SORCS1: variants seen among roughly 807,000 people sequenced by gnomAD.
SORCS1 encodes sortilin related VPS10 domain containing receptor 1, also known as VPS10 domain-containing receptor SorCS1.
In SORCS1, 60 loss-of-function variants were observed where a neutral mutation model predicts 146.1. The observed-to-expected ratio is 0.41, with a 90% CI of 0.33 to 0.51. The LOEUF is 0.51. Among genes scored for constraint, SORCS1 ranks in the 20% least tolerant of loss-of-function variants. SORCS1 has a pLI of 0.21. For synonymous variants in SORCS1, 637 were observed against 584.0 expected (o/e 1.09, Z -1.31); for missense variants, 1,352 against 1,487.6 (o/e 0.91, Z 1.50).
intron 21 of SORCS1, among the ~76,000 whole-genome samples, chr10:106,613,499 C>T (rs540300342): frequency 9.8e-5 from 15 of 152,292 alleles, no homozygotes; most frequent in African/African-American, 3.1e-4. Context: ...CTGCTATACT[C>T]TGTCATTGGC....
At chr10:106,962,335 T>G (rs12762271) in intron 1 of SORCS1, among the ~76,000 whole-genome samples, 1 of 134,294 alleles carries the variant, frequency 7.4e-6, no homozygotes, top group African/African-American at 2.8e-5. Context: ...GTAGAGGTTG[T>G]GGTGAGCCAA....
intron 1 of SORCS1, among the ~76,000 whole-genome samples, chr10:107,033,787 C>T (rs1958773335): frequency 6.6e-6 from 1 of 152,198 alleles, no homozygotes; most frequent in Non-Finnish European, 1.5e-5. Flanking sequence ...TTTCTTAAAT[C>T]CTCACCCCCA....
intron 21 of SORCS1, among the ~76,000 whole-genome samples, chr10:106,614,812 T>C (rs1170309217): frequency 6.6e-6 from 1 of 152,210 alleles, no homozygotes; most frequent in Non-Finnish European, 1.5e-5. Flanking sequence ...GGGATGCGTG[T>C]GGGCGGACTG....
At position 107,164,515 on chromosome 10, in the gene SORCS1, A is replaced by C. The variant is rs1203174162; in HGVS notation, c.12T>G (p.Val4=). MGK[V]GAGGGSQARL... is the part of the protein sequence containing the mutation. ...GGGCTTGGGAGCCGCCGCCGGCGCC[A>C]ACTTTTCCCATCGCGGGAGCGAAGA... The change falls in exon 1 of 26, where the codon GTT becomes GTG. Residue 4 remains valine (V), a synonymous_variant. Coordinates refer to ENST00000263054, the MANE Select transcript of SORCS1 (RefSeq NM_052918.5). This position sits in a 1 kb window ranked among gnomAD's most constrained non-coding sequence, Gnocchi z 6.8. 1.5e-6 allele frequency: 2 copies of C among 1,343,928 alleles called. No homozygotes were observed. Among genetic ancestry groups the C allele is most frequent in the Non-Finnish European group, 1.9e-6 (2 of 1,055,446 alleles). The allele number at this position is 1,343,928 out of a possible 1,614,324, so 83.3% of individuals were successfully genotyped here. A position where few individuals can be genotyped will look rare whatever the true frequency, so the allele number is the denominator to read the frequency against.
rs1459205211 is a variant in SORCS1 at position 106,960,068 on chromosome 10, T to C, written c.559-3488A>G. Among the ~76,000 whole-genome samples, 2 of 152,242 alleles carry C rather than the reference T, an allele frequency of 1.3e-5. No homozygotes were observed. The highest frequency in any genetic ancestry group is 4.8e-5 in the African/African-American group (2 of 41,464). ...TTATTTCTGTATCTTGTTTTCATTA[T>C]ACAGTGTTAAAACATCCCTGATTCA... On this transcript the variant is annotated intron_variant, in intron 1 of 25. Coordinates refer to ENST00000263054, the MANE Select transcript of SORCS1 (RefSeq NM_052918.5). The surrounding 1 kb of genome is among the most constrained non-coding windows in gnomAD (Gnocchi z 4.4).
At chr10:106,751,641 A>G (rs113134239) in intron 5 of SORCS1, among the ~76,000 whole-genome samples, 71 of 152,260 alleles carry the variant, frequency 4.7e-4, no homozygotes, top group African/African-American at 1.7e-3. Context: ...TAAAATTTTC[A>G]TTCCTTCAAT....
At chr10:107,017,117 T>C (rs1020918711) in intron 1 of SORCS1, among the ~76,000 whole-genome samples, 1 of 152,246 alleles carries the variant, frequency 6.6e-6, no homozygotes, top group African/African-American at 2.4e-5. Context: ...CATTAAGCCA[T>C]GCTTACTCTA....
At chr10:106,992,390 C>T (rs773287320) in intron 1 of SORCS1, among the ~76,000 whole-genome samples, 2 of 152,156 alleles carry the variant, frequency 1.3e-5, no homozygotes, top group East Asian at 1.9e-4. Flanking sequence ...AAATACCATA[C>T]ATTTACTAAC....
intron 12 of SORCS1, among the ~76,000 whole-genome samples, chr10:106,678,171 G>A (rs548892127): frequency 1.4e-4 from 22 of 152,204 alleles, no homozygotes; most frequent in Middle Eastern, 6.8e-3. Context: ...CTTCCAATTT[G>A]TTTATTTCTT....
intron 3 of SORCS1, among the ~76,000 whole-genome samples, chr10:106,810,322 C>A (rs186873560): frequency 6.6e-6 from 1 of 152,216 alleles, no homozygotes; most frequent in East Asian, 1.9e-4. Flanking sequence ...ATAACCCCCT[C>A]TTCACTCATC....
At chr10:106,970,336 CTTTTTTT>C (rs766818370) in intron 1 of SORCS1, among the ~76,000 whole-genome samples, 1 of 89,454 alleles carries the variant, frequency 1.1e-5, no homozygotes, top group Non-Finnish European at 2.0e-5. Flanking sequence ...ACCAACATCT[CTTTTTTT>C]TTTTTTTTTT....
rs372951734 is a variant in SORCS1 at position 106,909,231 on chromosome 10, G to A, written c.626+47282C>T. Among the ~76,000 whole-genome samples, 15 of 152,194 alleles carry A rather than the reference G, an allele frequency of 9.9e-5. No homozygotes were observed. In the East Asian group the frequency reaches 2.1e-3, roughly 21 times the overall value. On this transcript the variant is annotated intron_variant, in intron 2 of 25. Transcript: ENST00000263054. ...GCATTCAATTTTCTCCTGGCTGCCT[G>A]GCTGCCTTGCTTGCCCTCAATCTAT...
intron 4 of SORCS1, among the ~76,000 whole-genome samples, chr10:106,769,493 AAAAAAAAAGAAAG>A (rs1167908365): frequency 1.3e-5 from 2 of 151,802 alleles, no homozygotes; most frequent in Non-Finnish European, 2.9e-5. Context: ...TCAAAAAAAA[AAAAAAAAAGAAAG>A]AAAGAAAGGA....
chr10:107,089,013 C>A (rs1004018793), intron 1 of SORCS1, among the ~76,000 whole-genome samples: 19 of 152,084 alleles, frequency 1.2e-4, no homozygotes, highest in Non-Finnish European at 4.4e-5. Flanking sequence ...ATTCAAATTA[C>A]CATTACCATC....
intron 2 of SORCS1, among the ~76,000 whole-genome samples, chr10:106,855,068 T>C (rs1949730539): frequency 6.6e-6 from 1 of 152,168 alleles, no homozygotes; most frequent in Non-Finnish European, 1.5e-5. Context: ...AGTAACAAAC[T>C]TCCTCAACTT....
intron 2 of SORCS1, among the ~76,000 whole-genome samples, chr10:106,924,193 G>A (rs1952865932): frequency 6.6e-6 from 1 of 150,880 alleles, no homozygotes; most frequent in South Asian, 2.1e-4. Flanking sequence ...GGTGGAGGTT[G>A]CAGTGAGCCG....
At chr10:106,770,875 T>A (rs146410290) in intron 4 of SORCS1, among the ~76,000 whole-genome samples, 1 of 152,340 alleles carries the variant, frequency 6.6e-6, no homozygotes, top group African/African-American at 2.4e-5. Context: ...CTTGCCTGTT[T>A]GTATAGGAAC....
chr10:107,021,513 C>CA (rs869141427), intron 1 of SORCS1, among the ~76,000 whole-genome samples: 1,270 of 68,564 alleles, frequency 0.019, 76 homozygotes, highest in East Asian at 0.046. Context: ...CACTCCGTCT[C>CA]AAAAAAAAAA....
the SORCS1 span, among the ~76,000 whole-genome samples, chr10:107,180,090 G>GT: frequency 1.3e-5 from 2 of 151,006 alleles, no homozygotes; most frequent in African/African-American, 4.9e-5. Flanking sequence ...CTAACTTGTT[G>GT]TTTTTTATAG....
Sources: allele counts gnomAD v4.1 joint callset (sites outside exome capture counted in the v4.1 genomes callset), GRCh38; gene constraint gnomAD v4.1.1; non-coding constraint Gnocchi (gnomAD v3.1); transcripts MANE v1.5; gene names NCBI Gene and HGNC (gene_info 2026-07-23, HGNC 2026-07-21).